BAHCC1: variants seen among roughly 807,000 people sequenced by gnomAD.
BAHCC1 encodes BAH domain and coiled-coil containing 1.
Under a neutral mutation model 88.2 loss-of-function variants are expected in BAHCC1, and 43 were observed. The observed-to-expected ratio is 0.49, with a 90% confidence interval of 0.38 to 0.63. The LOEUF is 0.63. Ranked by LOEUF, BAHCC1 falls within the 20% of genes least tolerant of loss-of-function variation. The probability of loss-of-function intolerance (pLI) is 0.00; values close to 1 mark genes in which losing one functional copy is unlikely to be tolerated. For missense variants in BAHCC1, 3,023 were observed against 1,654.8 expected, an observed-to-expected ratio of 1.83 and a Z score of -14.34; for synonymous variants, 1,510 against 745.5, an observed-to-expected ratio of 2.03 and a Z score of -16.71.
At position 81,415,955 on chromosome 17, in the gene BAHCC1, G is replaced by T. The variant is rs2064015463; in HGVS notation, c.179-10845G>T. On this transcript the variant is annotated intron_variant, in intron 2 of 27. Transcript: ENST00000675386. ...GGCCTCACACCTCCAGGCAGGCCAG[G>T]CTGGGAAACAATGTGTGCGTGTGCG... 3.3e-5 allele frequency among the ~76,000 whole-genome samples: 5 copies of T among 151,752 alleles called. No homozygotes were observed. In the South Asian group the frequency reaches 1.0e-3, roughly 32 times the overall value.
At chr17:81,444,931 G>T (rs2064495133) in intron 8 of BAHCC1, 84 bp from the exon 9 acceptor site, 3 of 686,034 alleles carry the variant, frequency 4.4e-6, no homozygotes, top group East Asian at 2.7e-5. Flanking sequence ...TGGGCTTGGT[G>T]GGCTGAGGAA....
intron 2 of BAHCC1, among the ~76,000 whole-genome samples, chr17:81,416,569 G>C (rs1046714890): frequency 1.3e-5 from 1 of 79,192 alleles, no homozygotes; most frequent in Non-Finnish European, 3.5e-5. Context: ...GGGTGTATGT[G>C]CGTGTGTGTG....
intron 14 of BAHCC1, among the ~76,000 whole-genome samples, chr17:81,453,592 C>G (rs552657702): frequency 1.7e-5 from 1 of 60,492 alleles, no homozygotes; most frequent in Admixed American, 1.8e-4. Flanking sequence ...CATATGGCTG[C>G]CCCCCCCCAG....
At position 81,399,640 on chromosome 17, in the gene BAHCC1, C is replaced by T. The variant is rs1391840844; in HGVS notation, c.-100C>T. On this transcript the variant is annotated 5_prime_UTR_variant, in exon 2 of 28. Coordinates refer to ENST00000675386, the MANE Select transcript of BAHCC1 (RefSeq NM_001377448.1). The surrounding 1 kb of genome is among the most constrained non-coding windows in gnomAD (Gnocchi z 4.5). ...CCGCCGCCACCACCGCCTGTGACCC[C>T]GGACGCCGCCGCCTCTGCGCCGCCC... The T allele has an allele frequency of 2.4e-6, 2 of 819,484 alleles. No individual in the cohort carries two copies. Among genetic ancestry groups the T allele is most frequent in the Non-Finnish European group, 3.1e-6 (2 of 637,194 alleles). The allele number at this position is 819,484 out of a possible 1,614,324, so 50.8% of individuals were successfully genotyped here. A position where few individuals can be genotyped will look rare whatever the true frequency, so the allele number is the denominator to read the frequency against.
Position 81,438,692 on chromosome 17 carries a change from C to T in BAHCC1, c.481+200C>T, listed in dbSNP as rs2018028. Among the ~76,000 whole-genome samples the T allele has an allele frequency of 0.16, 24,606 of 152,110 alleles. 2,338 individuals are homozygous for T. Among genetic ancestry groups the T allele is most frequent in the Non-Finnish European group, 0.2 (13,911 of 67,956 alleles). ...CCAGGGGCCCAGGACCACCCCCAGG[C>T]GCAGGTTCAGTTCCCAGGTCACGCT... On this transcript the variant is annotated intron_variant, in intron 4 of 27. Transcript: ENST00000675386.
At chr17:81,444,161 C>T in intron 6 of BAHCC1, 1 of 602,248 alleles carries the variant, frequency 1.7e-6, no homozygotes, top group Non-Finnish European at 3.0e-6. Context: ...GGCCCCCAGT[C>T]AGCCCTGCAG....
At position 81,399,240 on chromosome 17, in the gene BAHCC1, G is replaced by A. The variant is rs1315361917; in HGVS notation, c.-206-294G>A. 8 of 410,020 alleles carry A rather than the reference G, an allele frequency of 2.0e-5. No homozygotes were observed. The highest frequency in any genetic ancestry group is 2.9e-5 in the Non-Finnish European group (6 of 204,178). 25.4% of individuals were successfully genotyped at this position (410,020 alleles called of 1,614,324 possible). On this transcript the variant is annotated intron_variant, in intron 1 of 27. Coordinates refer to ENST00000675386, the MANE Select transcript of BAHCC1 (RefSeq NM_001377448.1). The surrounding 1 kb of genome is among the most constrained non-coding windows in gnomAD (Gnocchi z 4.5). ...TTCGCCGCGGCGCCCTAGCTGCAGG[G>A]ACCCGCGGGGACGAGAACGGGAGGC...
intron 25 of BAHCC1, 45 bp downstream of exon 25, chr17:81,460,751 T>C: frequency 1.3e-6 from 1 of 776,614 alleles, no homozygotes; most frequent in Non-Finnish European, 2.4e-6. Flanking sequence ...GAAGGCACCC[T>C]CTGGGGGCTG....
At chr17:81,429,342 T>C (rs1184825326) in intron 3 of BAHCC1, among the ~76,000 whole-genome samples, 1 of 152,170 alleles carries the variant, frequency 6.6e-6, no homozygotes, top group Non-Finnish European at 1.5e-5. Flanking sequence ...TGTCCCCTGC[T>C]CTGCCTTCAG....
chr17:81,417,690 C>T (rs577923035), intron 2 of BAHCC1, among the ~76,000 whole-genome samples: 68 of 152,340 alleles, frequency 4.5e-4, no homozygotes, highest in Middle Eastern at 3.4e-3. Context: ...ACCTCCGGGC[C>T]GTTTCCACGC....
Position 81,442,117 on chromosome 17 carries a change from G to A in BAHCC1, c.768G>A (p.Val256=), listed in dbSNP as rs1555652658. The A allele has an allele frequency of 4.4e-6, 3 of 683,930 alleles. No individual in the cohort carries two copies. Among genetic ancestry groups the A allele is most frequent in the African/African-American group, 1.8e-5 (1 of 54,744 alleles). The allele number at this position is 683,930 out of a possible 1,614,324, so 42.4% of individuals were successfully genotyped here. A position where few individuals can be genotyped will look rare whatever the true frequency, so the allele number is the denominator to read the frequency against. ...AGCGGCACAAGCTGGTGCTGCCCGT[G>A]CCAGCCGACGGGCACTGCAGGGAGG... ...GKERHKLVLP[V]PADGHCREGG... The change falls in exon 5 of 28, where the codon GTG becomes GTA. Residue 256 remains valine (V), a synonymous_variant. Coordinates refer to ENST00000675386, the MANE Select transcript of BAHCC1 (RefSeq NM_001377448.1).
chr17:81,444,243 G>A, intron 6 of BAHCC1, 138 bp from the exon 7 acceptor site: 1 of 618,456 alleles, frequency 1.6e-6, no homozygotes, highest in South Asian at 1.9e-5. Flanking sequence ...TTGATGGCAG[G>A]GGGTGGGACA....
chr17:81,427,720 A>G (rs1252429057), intron 3 of BAHCC1, among the ~76,000 whole-genome samples: 1 of 152,098 alleles, frequency 6.6e-6, no homozygotes, highest in Non-Finnish European at 1.5e-5. Context: ...GGGAAGGGTT[A>G]AGCTCCCCCC....
chr17:81,463,350 T>C (rs1555660019), intron 27 of BAHCC1, among the ~76,000 whole-genome samples: 2 of 152,210 alleles, frequency 1.3e-5, no homozygotes, highest in African/African-American at 4.8e-5. Context: ...CCAGACCATA[T>C]GACACGTCCA....
chr17:81,427,239 G>T (rs1002285901), intron 3 of BAHCC1, among the ~76,000 whole-genome samples: 1 of 146,838 alleles, frequency 6.8e-6, no homozygotes, highest in Non-Finnish European at 1.5e-5. Flanking sequence ...GGGGAAACAG[G>T]GGGGCCAGGA....
Position 81,421,339 on chromosome 17 carries a change from C to CG in BAHCC1, c.179-5454dup, listed in dbSNP as rs1215926201. Among the ~76,000 whole-genome samples the CG allele has an allele frequency of 5.9e-5, 9 of 151,474 alleles. 1 individual carries two copies. In the South Asian group the frequency reaches 1.3e-3, roughly 21 times the overall value. ...CTGTCTGGGGTTGGCCACTGGTCGG[C>CG]GGGGGGGCTGGGGAGGTGGCAGCCT... On this transcript the variant is annotated intron_variant, in intron 2 of 27. Transcript: ENST00000675386.
At chr17:81,457,702 G>A in intron 17 of BAHCC1, 110 bp downstream of exon 17, 1 of 606,896 alleles carries the variant, frequency 1.6e-6, no homozygotes, top group Non-Finnish European at 3.0e-6. Context: ...AGGGAGGGCA[G>A]GGTTTGCTGG....
In BAHCC1 at chr17:81,434,538, C is replaced by G. The variant is rs1477162422; in HGVS notation, c.359-3832C>G. On this transcript the variant is annotated intron_variant, in intron 3 of 27. Transcript: ENST00000675386. This position sits in a 1 kb window ranked among gnomAD's most constrained non-coding sequence, Gnocchi z 4.9. ...TTTGCTGAGCCTGCAGCATCCTGGCCCTGAGCTCTGTGGCCCCAAGTGGGG... is the reference window on the plus strand; with the variant it reads ...TTTGCTGAGCCTGCAGCATCCTGGCGCTGAGCTCTGTGGCCCCAAGTGGGG... Among the ~76,000 whole-genome samples, 1 of 152,110 alleles carries G rather than the reference C, an allele frequency of 6.6e-6. No homozygotes were observed. The highest frequency in any genetic ancestry group is 1.5e-5 in the Non-Finnish European group (1 of 67,992).
intron 2 of BAHCC1, among the ~76,000 whole-genome samples, chr17:81,425,095 G>C (rs1314110235): frequency 7.1e-6 from 1 of 140,424 alleles, no homozygotes; most frequent in Non-Finnish European, 1.6e-5. Flanking sequence ...GGTTGGTGGT[G>C]ATAGTGGTGG....
Sources: gnomAD v4.1 joint callset for allele counts (sites outside exome capture counted in the v4.1 genomes callset) on GRCh38, gnomAD v4.1.1 for gene constraint, Gnocchi (gnomAD v3.1) non-coding constraint, MANE v1.5 for transcripts, NCBI Gene and HGNC (gene_info 2026-07-23, HGNC 2026-07-21) for gene names.